The following COL8A2 variants were observed in gnomAD, a reference collection of about 807,000 sequenced individuals.
COL8A2 encodes collagen alpha-2(VIII) chain.
In COL8A2, 16 loss-of-function variants were observed where a neutral mutation model predicts 24.0. The observed-to-expected ratio is 0.67, with a 90% CI of 0.45 to 1.01. The LOEUF (loss-of-function observed/expected upper bound fraction) is 1.01. COL8A2 is among the 50% of genes least tolerant of loss of function. The probability of loss-of-function intolerance (pLI) is 0.00; values close to 1 mark genes in which losing one functional copy is unlikely to be tolerated. For synonymous variants in COL8A2, 466 were observed against 424.5 expected (o/e 1.10, Z -1.20); for missense variants, 818 against 942.4 (o/e 0.87, Z 1.73).
chr1:36,105,950 TAAAA>T (rs3075652), intron 2 of COL8A2, among the ~76,000 whole-genome samples: 7 of 128,112 alleles, frequency 5.5e-5, no homozygotes, highest in Admixed American at 8.2e-5. Flanking sequence ...CTGTCTCACT[TAAAA>T]AAAAAAAAAA....
At chr1:36,117,719 C>T (rs1643886671) in intron 1 of COL8A2, among the ~76,000 whole-genome samples, 1 of 152,104 alleles carries the variant, frequency 6.6e-6, no homozygotes, top group Non-Finnish European at 1.5e-5. Context: ...CAACATCACA[C>T]AGCTCATGAA....
In COL8A2 at chr1:36,115,715, G is replaced by A. The variant is rs1047962308; in HGVS notation, c.-24C>T. 4.2e-5 allele frequency: 41 copies of A among 985,336 alleles called. No individual in the cohort carries two copies. Among genetic ancestry groups the A allele is most frequent in the African/African-American group, 7.0e-5 (4 of 57,146 alleles). The allele number at this position is 985,336 out of a possible 1,614,324, so 61.0% of individuals were successfully genotyped here. A position where few individuals can be genotyped will look rare whatever the true frequency, so the allele number is the denominator to read the frequency against. ...TCCCCAAACCTAGCTTACCTTTCAG[G>A]TCGGAGGGGCCTGGGAAGGTTCCAG... On this transcript the variant is annotated 5_prime_UTR_variant, in exon 2 of 4. Coordinates refer to ENST00000397799, the MANE Select transcript of COL8A2 (RefSeq NM_005202.4). The surrounding 1 kb of genome is among the most constrained non-coding windows in gnomAD (Gnocchi z 5.7).
rs921387687 is a variant in COL8A2 at position 36,097,208 on chromosome 1, CAG to C, written c.*359_*360del. ...GCCCCTTTCCTCCAGCAGGTGCCAT[CAG>C]GGAGCCAGTGGGAAGGGCTGTCTCC... On this transcript the variant is annotated 3_prime_UTR_variant, in exon 4 of 4. Transcript: ENST00000397799. 1 of 232,130 alleles carries C rather than the reference CAG, an allele frequency of 4.3e-6. No homozygotes were observed. Among genetic ancestry groups the C allele is most frequent in the Non-Finnish European group, 8.5e-6 (1 of 117,338 alleles). 14.4% of individuals were successfully genotyped at this position (232,130 alleles called of 1,614,324 possible).
At chr1:36,113,210 CA>C (rs1309398450) in intron 2 of COL8A2, among the ~76,000 whole-genome samples, 1 of 152,178 alleles carries the variant, frequency 6.6e-6, no homozygotes, top group Non-Finnish European at 1.5e-5. Flanking sequence ...TCCCTCAGTC[CA>C]TCGCTGTGTG....
chr1:36,098,232 C>A lies in COL8A2; in HGVS notation c.1449G>T (p.Lys483Asn). ...PIGPQGLPGLKGEPGLPGPPG... is the reference protein window; with the variant it reads ...PIGPQGLPGLNGEPGLPGPPG... ...GGGGCCCTGGCAGGCCTGGTTCCCC[C>A]TTCAGGCCCGGCAGGCCTTGGGGCC... Residue 483 changes from lysine to asparagine, a missense_variant, in exon 4 of 4, where the codon AAG (lysine) becomes AAT (asparagine). This residue lies in a region of COL8A2 where 10 missense variants were observed against 28.3 expected (regional missense o/e 0.35). Transcript: ENST00000397799. 6.5e-7 allele frequency: 1 copy of A among 1,543,020 alleles called. No individual in the cohort carries two copies. The highest frequency in any genetic ancestry group is 8.7e-7 in the Non-Finnish European group (1 of 1,144,632).
Position 36,100,203 on chromosome 1 carries a change from G to T in COL8A2, c.40C>A (p.Leu14Met), listed in dbSNP as rs1450157676. 1 of 1,594,460 alleles carries T rather than the reference G, an allele frequency of 6.3e-7. No individual in the cohort carries two copies. The highest frequency in any genetic ancestry group is 8.5e-7 in the Non-Finnish European group (1 of 1,171,062). ...CACCCCAGCACCAGCACCAGTAGCA[G>T]CAGCAGCAGCGAAGACAGGGGTGTC... ...TLTPLSSLLL[L>M]LLVLVLGCGP... The change falls in exon 3 of 4, where the codon CTG (leucine) becomes ATG (methionine). Residue 14 changes from leucine to methionine, a missense_variant. Leu to Met is a conservative substitution (Grantham distance 15, BLOSUM62 2). Transcript: ENST00000397799.
At position 36,099,162 on chromosome 1, in the gene COL8A2, TC is replaced by T. The variant is rs1643631971; in HGVS notation, c.518del (p.Gly173GlufsTer64). On this transcript the variant is annotated frameshift_variant, in exon 4 of 4. Transcript: ENST00000397799. LOFTEE classifies it low-confidence loss of function (END_TRUNC). ...LPGPSGITIP[G>X]KPGAQGVPGP... ...CTGGCACCCCTTGGGCACCTGGTTT[TC>T]CAGGGATAGTAATGCCTGAGGGGCC... The T allele has an allele frequency of 2.7e-6, 4 of 1,497,310 alleles. No individual in the cohort carries two copies. Among genetic ancestry groups the T allele is most frequent in the Non-Finnish European group, 3.6e-6 (4 of 1,123,440 alleles). 92.8% of individuals were successfully genotyped at this position (1,497,310 alleles called of 1,614,324 possible).
Position 36,098,976 on chromosome 1 carries a change from G to A in COL8A2, c.705C>T (p.Gly235=), listed in dbSNP as rs1254043230. The change falls in exon 4 of 4, where the codon GGC becomes GGT. Residue 235 remains glycine (G), a synonymous_variant. Coordinates refer to ENST00000397799, the MANE Select transcript of COL8A2 (RefSeq NM_005202.4). ...PGPPGLPGPA[G]LGKPGLDGLP... is the part of the protein sequence containing the mutation. ...GCCCATCCAAACCAGGTTTGCCTAA[G>A]CCAGCTGGACCAGGGAGGCCGGGGG... 6.2e-7 allele frequency: 1 copy of A among 1,606,646 alleles called. No individual in the cohort carries two copies. The highest frequency in any genetic ancestry group is 1.7e-5 in the Admixed American group (1 of 59,704).
chr1:36,122,619 A>G (rs1312837860), intron 1 of COL8A2, among the ~76,000 whole-genome samples: 1 of 151,818 alleles, frequency 6.6e-6, no homozygotes, highest in Non-Finnish European at 1.5e-5. Context: ...CCCATCGCCA[A>G]CCGGCTTACT....
intron 1 of COL8A2, among the ~76,000 whole-genome samples, chr1:36,117,861 T>TAAAA (rs201764026): frequency 7.4e-5 from 10 of 135,634 alleles, no homozygotes; most frequent in African/African-American, 2.7e-4. Context: ...CCCCATCTCT[T>TAAAA]AAAAAAAAAA....
intron 3 of COL8A2, 67 bp from the exon 4 acceptor site, chr1:36,099,554 A>AT: frequency 8.8e-7 from 1 of 1,131,492 alleles, no homozygotes; most frequent in Non-Finnish European, 1.3e-6. Context: ...CCATCTACCC[A>AT]TTCCCCCATT....
In COL8A2 at chr1:36,099,099, C is replaced by T. The variant is rs1229968055; in HGVS notation, c.582G>A (p.Gly194=). Reference sequence around the variant, plus strand: ...CTCGATCACCTGGGGGCCCAGGCTCCCCCTGGGGCCCTGGTTCCCCCTGGA... The same window carrying T: ...CTCGATCACCTGGGGGCCCAGGCTCTCCCTGGGGCCCTGGTTCCCCCTGGA... ...PGFQGEPGPQ[G]EPGPPGDRGL... is the part of the protein sequence containing the mutation. Residue 194 remains glycine, a synonymous_variant, in exon 4 of 4, where the codon GGG becomes GGA. Coordinates refer to ENST00000397799, the MANE Select transcript of COL8A2 (RefSeq NM_005202.4). 2 of 1,508,132 alleles carry T rather than the reference C, an allele frequency of 1.3e-6. No homozygotes were observed. The highest frequency in any genetic ancestry group is 4.6e-5 in the East Asian group (2 of 43,312). 93.4% of individuals were successfully genotyped at this position (1,508,132 alleles called of 1,614,324 possible). A position where few individuals can be genotyped will look rare whatever the true frequency, so the allele number is the denominator to read the frequency against.
rs1273719245 is a variant in COL8A2, at chr1:36,098,372, C to T, written c.1309G>A (p.Gly437Arg). 6.4e-7 allele frequency: 1 copy of T among 1,553,942 alleles called. No homozygotes were observed. The highest frequency in any genetic ancestry group is 8.7e-7 in the Non-Finnish European group (1 of 1,149,102). The change falls in exon 4 of 4, where the codon GGA becomes AGA. Residue 437 changes from glycine (G) to arginine (R), a missense_variant. Around this residue, in one of 3 missense-constraint regions of COL8A2, gnomAD observed 573 missense variants for 616.8 expected, o/e 0.93. Transcript: ENST00000397799. ...GEPGFTGRPG[G>R]PGVAGALGQK... is the part of the protein sequence containing the mutation. Reference sequence around the variant, plus strand: ...CCCAGGGCTCCTGCCACCCCTGGTCCTCCAGGGCGACCCGTGAAACCCGGC... The same window carrying T: ...CCCAGGGCTCCTGCCACCCCTGGTCTTCCAGGGCGACCCGTGAAACCCGGC...
Position 36,097,679 on chromosome 1 carries a change from G to A in COL8A2, c.2002C>T (p.Arg668Trp), listed in dbSNP as rs201587529. The A allele has an allele frequency of 6.8e-6, 11 of 1,613,146 alleles. No individual in the cohort carries two copies. The Admixed American group carries it at 1.0e-4, about 15-fold the overall frequency. The change falls in exon 4 of 4, where the codon CGG becomes TGG. Residue 668 changes from arginine to tryptophan, a missense_variant. Physicochemically the swap from Arg to Trp is moderately radical, Grantham distance 101 (BLOSUM62 -3). Around this residue, in one of 3 missense-constraint regions of COL8A2, gnomAD observed 235 missense variants for 297.3 expected, o/e 0.79. Coordinates refer to ENST00000397799, the MANE Select transcript of COL8A2 (RefSeq NM_005202.4). Reference protein sequence around the residue: ...QASGGAVLQLRPNDQVWVQMP... With the variant: ...QASGGAVLQLWPNDQVWVQMP... ...TGCACCCAGACCTGGTCGTTGGGCC[G>A]CAGCTGGAGCACGGCCCCACCAGAT...
intron 2 of COL8A2, among the ~76,000 whole-genome samples, chr1:36,103,830 C>A (rs902796271): frequency 6.6e-6 from 1 of 152,020 alleles, no homozygotes; most frequent in Non-Finnish European, 1.5e-5. Flanking sequence ...GTGATCCACC[C>A]GTCTCAGCCT....
intron 2 of COL8A2, among the ~76,000 whole-genome samples, chr1:36,101,897 G>C: frequency 6.6e-6 from 1 of 151,744 alleles, no homozygotes. Flanking sequence ...TCTATAAATA[G>C]GCTAAGCACA....
At chr1:36,105,846 G>A (rs1038930331) in intron 2 of COL8A2, among the ~76,000 whole-genome samples, 3 of 152,098 alleles carry the variant, frequency 2.0e-5, no homozygotes, top group Non-Finnish European at 4.4e-5. Context: ...CTACTCAGGA[G>A]GCTGAGGCAG....
intron 2 of COL8A2, among the ~76,000 whole-genome samples, chr1:36,114,390 C>T (rs1643870051): frequency 6.6e-6 from 1 of 152,000 alleles, no homozygotes; most frequent in African/African-American, 2.4e-5. Context: ...CGGATTCCCC[C>T]TTGGGGAACA....
chr1:36,099,084 T>C lies in COL8A2; in HGVS notation c.597A>G (p.Pro199=). The C allele has an allele frequency of 6.7e-7, 1 of 1,497,278 alleles. No individual in the cohort carries two copies. The highest frequency in any genetic ancestry group is 1.3e-5 in the South Asian group (1 of 74,944). 92.7% of individuals were successfully genotyped at this position (1,497,278 alleles called of 1,614,324 possible). A position where few individuals can be genotyped will look rare whatever the true frequency, so the allele number is the denominator to read the frequency against. The change falls in exon 4 of 4, where the codon CCA becomes CCG. Residue 199 remains proline (P), a synonymous_variant. Transcript: ENST00000397799. The stretch of plus-strand genomic sequence containing the variant: ...TATCCCCCTTGAGGCCTCGATCACC[T>C]GGGGGCCCAGGCTCCCCCTGGGGCC... ...EPGPQGEPGP[P]GDRGLKGDNG...
Sources: allele counts gnomAD v4.1 joint callset (sites outside exome capture counted in the v4.1 genomes callset), GRCh38; gene constraint gnomAD v4.1.1; regional missense constraint gnomAD v4.1.1; non-coding constraint Gnocchi (gnomAD v3.1); transcripts MANE v1.5; gene names NCBI Gene and HGNC (gene_info 2026-07-23, HGNC 2026-07-21).